The following NIBAN1 variants were observed in gnomAD, a reference collection of about 807,000 sequenced individuals.
NIBAN1 encodes protein Niban 1.
NIBAN1 carries 81 observed loss-of-function variants against 75.1 expected under a neutral mutation model. That is an observed-to-expected ratio of 1.08 (90% CI 0.90 to 1.30). The LOEUF is 1.30. NIBAN1 is among the 50% of genes most tolerant of loss of function. The probability of loss-of-function intolerance (pLI) is 0.00; values close to 1 mark genes in which losing one functional copy is unlikely to be tolerated. For missense variants in NIBAN1, 1,133 were observed against 1,128.1 expected, an observed-to-expected ratio of 1.00 and a Z score of -0.06; for synonymous variants, 436 against 424.8, an observed-to-expected ratio of 1.03 and a Z score of -0.32.
At chr1:184,844,786 G>C (rs964635304) in intron 5 of NIBAN1, among the ~76,000 whole-genome samples, 1 of 152,086 alleles carries the variant, frequency 6.6e-6, no homozygotes. Context: ...AAATTAAACT[G>C]ACCCATGATC....
chr1:184,873,477 A>G (rs1459818449), intron 5 of NIBAN1, among the ~76,000 whole-genome samples: 1 of 152,186 alleles, frequency 6.6e-6, no homozygotes, highest in Non-Finnish European at 1.5e-5. Flanking sequence ...TTCCATGAGA[A>G]ACGTGCCCTC....
chr1:184,963,501 C>T (rs1217319558), intron 1 of NIBAN1, among the ~76,000 whole-genome samples: 2 of 151,996 alleles, frequency 1.3e-5, no homozygotes, highest in African/African-American at 4.8e-5. Flanking sequence ...ATAATACATG[C>T]ACACAAAAAA....
At chr1:184,893,072 A>G (rs1332335936) in intron 3 of NIBAN1, among the ~76,000 whole-genome samples, 1 of 152,142 alleles carries the variant, frequency 6.6e-6, no homozygotes, top group African/African-American at 2.4e-5. Flanking sequence ...GCACCTCGCC[A>G]TCTTGACTAT....
At chr1:184,855,940 G>A (rs891868944) in intron 5 of NIBAN1, among the ~76,000 whole-genome samples, 7 of 152,170 alleles carry the variant, frequency 4.6e-5, no homozygotes, top group African/African-American at 1.7e-4. Flanking sequence ...TAAGTACATT[G>A]AGCAAGACAA....
chr1:184,826,666 A>T (rs1056328319), intron 6 of NIBAN1, among the ~76,000 whole-genome samples: 2 of 152,236 alleles, frequency 1.3e-5, no homozygotes, highest in African/African-American at 4.8e-5. Flanking sequence ...CATAAGTGTG[A>T]AATGGGTTTG....
intron 1 of NIBAN1, among the ~76,000 whole-genome samples, chr1:184,903,732 C>CT: frequency 9.0e-6 from 1 of 111,034 alleles, no homozygotes; most frequent in African/African-American, 3.0e-5. Flanking sequence ...GCCGATTAAA[C>CT]CTTTTTTTTT....
At chr1:184,878,696 T>C (rs1656297727) in intron 5 of NIBAN1, among the ~76,000 whole-genome samples, 1 of 152,228 alleles carries the variant, frequency 6.6e-6, no homozygotes, top group Admixed American at 6.5e-5. Flanking sequence ...ATTGATTTAA[T>C]AGCAGCATGT....
chr1:184,799,493 C>T (rs1236696081), intron 12 of NIBAN1, among the ~76,000 whole-genome samples: 6 of 149,530 alleles, frequency 4.0e-5, no homozygotes, highest in African/African-American at 1.5e-4. Context: ...AATAGTGCCA[C>T]AATAAACATA....
At chr1:184,863,635 G>A (rs1655874794) in intron 5 of NIBAN1, among the ~76,000 whole-genome samples, 1 of 152,114 alleles carries the variant, frequency 6.6e-6, no homozygotes, top group South Asian at 2.1e-4. Context: ...CGTGACAAAA[G>A]ATATTTGAAG....
At chr1:184,899,030 C>G (rs1571557550) in intron 2 of NIBAN1, 149 bp downstream of exon 2, 7 of 815,384 alleles carry the variant, frequency 8.6e-6, no homozygotes, top group Non-Finnish European at 1.1e-5. Flanking sequence ...TTCTAACTTC[C>G]AGGCAAATAG....
chr1:184,872,065 C>G (rs967404357), intron 5 of NIBAN1, among the ~76,000 whole-genome samples: 3 of 151,974 alleles, frequency 2.0e-5, no homozygotes, highest in African/African-American at 7.3e-5. Context: ...AATAAGGTAC[C>G]ATGAGTAAGA....
chr1:184,940,328 A>C (rs1301026646), intron 1 of NIBAN1, among the ~76,000 whole-genome samples: 1 of 152,222 alleles, frequency 6.6e-6, no homozygotes, highest in Non-Finnish European at 1.5e-5. Context: ...AGTTTTAACA[A>C]ATCAGTGATT....
intron 8 of NIBAN1, among the ~76,000 whole-genome samples, chr1:184,821,154 T>A (rs908313777): frequency 6.6e-6 from 1 of 152,184 alleles, no homozygotes. Context: ...CTTCTTTGAG[T>A]CATTCCAGCC....
Position 184,823,346 on chromosome 1 carries a change from C to T in NIBAN1, c.823-17G>A. On this transcript the variant is annotated splice_polypyrimidine_tract_variant and intron_variant, in intron 7 of 13. Transcript: ENST00000367511. ...CTCGAGGAGCTGCAACAAGGAATAACACATAAATCAGGGCTCTGTCACGTG... is the reference window on the plus strand; with the variant it reads ...CTCGAGGAGCTGCAACAAGGAATAATACATAAATCAGGGCTCTGTCACGTG... 1 of 1,613,396 alleles carries T rather than the reference C, an allele frequency of 6.2e-7. No individual in the cohort carries two copies. The highest frequency in any genetic ancestry group is 8.5e-7 in the Non-Finnish European group (1 of 1,179,674).
At chr1:184,906,283 A>ACC (rs1553226596) in intron 1 of NIBAN1, among the ~76,000 whole-genome samples, 1 of 150,740 alleles carries the variant, frequency 6.6e-6, no homozygotes, top group Non-Finnish European at 1.5e-5. Context: ...ACACACACAC[A>ACC]CACATGCACA....
At chr1:184,885,853 A>G (rs1396048837) in intron 4 of NIBAN1, among the ~76,000 whole-genome samples, 2 of 151,988 alleles carry the variant, frequency 1.3e-5, no homozygotes, top group Non-Finnish European at 2.9e-5. Context: ...TTATCTCCCC[A>G]TGACTTCCAG....
At chr1:184,868,520 T>C (rs1227689943) in intron 5 of NIBAN1, 1 of 152,142 alleles carries the variant, frequency 6.6e-6, no homozygotes, top group African/African-American at 2.4e-5. Context: ...AGTACACAGT[T>C]TACCACAGGA....
Position 184,863,797 on chromosome 1 carries a change from T to C in NIBAN1, c.601+20836A>G, listed in dbSNP as rs527889715. On this transcript the variant is annotated intron_variant, in intron 5 of 13. Transcript: ENST00000367511. ...GTAAGAGCAGAGATCTAGGTATTCA[T>C]TGGTTTAATAGCTTAATTAGCTATT... Among the ~76,000 whole-genome samples, 13 of 152,360 alleles carry C rather than the reference T, an allele frequency of 8.5e-5. 1 individual carries two copies. The East Asian group carries it at 2.3e-3, about 27-fold the overall frequency.
chr1:184,971,002 G>A (rs1365467557), intron 1 of NIBAN1, among the ~76,000 whole-genome samples: 1 of 152,076 alleles, frequency 6.6e-6, no homozygotes, highest in African/African-American at 2.4e-5. Flanking sequence ...TACAGAAAAA[G>A]AGGCCGGGCA....
Sources: gnomAD v4.1 joint callset for allele counts (sites outside exome capture counted in the v4.1 genomes callset) on GRCh38, gnomAD v4.1.1 for gene constraint, MANE v1.5 for transcripts, NCBI Gene and HGNC (gene_info 2026-07-23, HGNC 2026-07-21) for gene names.